The following GRM5 variants were observed in gnomAD, a reference collection of about 807,000 sequenced individuals.
GRM5 encodes glutamate metabotropic receptor 5, also known as metabotropic glutamate receptor 5.
In GRM5, 19 loss-of-function variants were observed where a neutral mutation model predicts 83.1. That is an observed-to-expected ratio of 0.23 (90% CI 0.16 to 0.34). The LOEUF (loss-of-function observed/expected upper bound fraction) is 0.34, where lower values mean the gene tolerates loss of function less well. GRM5 is among the 10% of genes least tolerant of loss of function. The pLI, the probability that GRM5 is intolerant of heterozygous loss-of-function variation, is 1.00. For synonymous variants in GRM5, 675 were observed against 633.6 expected (o/e 1.07, Z -0.98); for missense variants, 1,160 against 1,588.3 (o/e 0.73, Z 4.58).
At position 88,567,982 on chromosome 11, in the gene GRM5, C is replaced by G. The variant is rs1173367493; in HGVS notation, c.1701G>C (p.Leu567Phe). The change falls in exon 8 of 10, where the codon TTG becomes TTC. Residue 567 changes from leucine (L) to phenylalanine (F), a missense_variant. Physicochemically the swap from Leu to Phe is conservative, Grantham distance 22 (BLOSUM62 0). Around this residue, in one of 9 missense-constraint regions of GRM5, gnomAD observed 132 missense variants for 245.5 expected, o/e 0.54. Transcript: ENST00000305447. The surrounding 1 kb of genome is among the most constrained non-coding windows in gnomAD (Gnocchi z 7.3). ...CCCATCGAAGATACTGTACTGGGAT[C>G]AAGTCACAACCTGCAGAGACACAAA... ...WPTDDLTGCD[L>F]IPVQYLRWGD... The G allele has an allele frequency of 6.2e-7, 1 of 1,608,270 alleles. No individual in the cohort carries two copies. The highest frequency in any genetic ancestry group is 1.7e-5 in the Admixed American group (1 of 59,708).
At chr11:88,686,254 A>T (rs748736356) in intron 3 of GRM5, among the ~76,000 whole-genome samples, 1 of 152,118 alleles carries the variant, frequency 6.6e-6, no homozygotes, top group Non-Finnish European at 1.5e-5. Context: ...GCCCTGCTGG[A>T]TTTTGGAGTT....
At chr11:88,964,697 A>AG (rs1361870271) in intron 2 of GRM5, among the ~76,000 whole-genome samples, 1 of 152,244 alleles carries the variant, frequency 6.6e-6, no homozygotes, top group Non-Finnish European at 1.5e-5. Flanking sequence ...ATCATATTCA[A>AG]GCTACTGAGA....
At chr11:88,717,639 A>G (rs1397200345) in intron 3 of GRM5, among the ~76,000 whole-genome samples, 1 of 151,878 alleles carries the variant, frequency 6.6e-6, no homozygotes, top group African/African-American at 2.4e-5. Flanking sequence ...ATATCGTTCT[A>G]CAACTATGTA....
intron 2 of GRM5, among the ~76,000 whole-genome samples, chr11:88,863,890 C>T (rs1486382032): frequency 6.6e-6 from 1 of 151,592 alleles, no homozygotes; most frequent in Non-Finnish European, 1.5e-5. Context: ...AGTCAATGAT[C>T]TCTGTCATAT....
Position 88,731,146 on chromosome 11 carries a change from G to A in GRM5, c.912-77743C>T, listed in dbSNP as rs955563145. Among the ~76,000 whole-genome samples the A allele has an allele frequency of 2.0e-5, 3 of 152,144 alleles. No homozygotes were observed. In the East Asian group the frequency reaches 5.8e-4, roughly 29 times the overall value. ...GCCATTTTTTTAATGGCTCCAGAAA[G>A]CTGAGAAAGTCCTTTATGATACACA... On this transcript the variant is annotated intron_variant, in intron 3 of 9. Coordinates refer to ENST00000305447, the MANE Select transcript of GRM5 (RefSeq NM_001143831.3).
chr11:88,970,474 C>A (rs1361774181), intron 2 of GRM5, among the ~76,000 whole-genome samples: 1 of 152,196 alleles, frequency 6.6e-6, no homozygotes, highest in Admixed American at 6.5e-5. Context: ...AAAACATCAT[C>A]ATTTGGCCTC....
chr11:88,956,178 G>A lies in GRM5; in HGVS notation c.661+91034C>T, dbSNP rs71469228. ...ATCCCCTCAGCTTGAAAATTTTGTC[G>A]GAATAAATAATCACCTAACACTCTG... is the stretch of plus-strand genomic sequence containing the variant. On this transcript the variant is annotated intron_variant, in intron 2 of 9. Transcript: ENST00000305447. 3.9e-5 allele frequency among the ~76,000 whole-genome samples: 6 copies of A among 152,108 alleles called. 1 individual carries two copies. The South Asian group carries it at 8.3e-4, about 21-fold the overall frequency.
intron 3 of GRM5, among the ~76,000 whole-genome samples, chr11:88,765,793 T>C (rs953552418): frequency 6.6e-6 from 1 of 151,836 alleles, no homozygotes; most frequent in Non-Finnish European, 1.5e-5. Context: ...GAATGATTTG[T>C]TGGATATAAC....
rs1018625571 is a variant in GRM5 at position 88,642,900 on chromosome 11, A to G, written c.1147+10268T>C. Among the ~76,000 whole-genome samples, 10 of 152,068 alleles carry G rather than the reference A, an allele frequency of 6.6e-5. 1 individual carries two copies. The highest frequency in any genetic ancestry group is 2.4e-4 in the African/African-American group (10 of 41,412). On this transcript the variant is annotated intron_variant, in intron 4 of 9. Coordinates refer to ENST00000305447, the MANE Select transcript of GRM5 (RefSeq NM_001143831.3). ...TTAACTAGTCTCTAAGAAGTTCTAA[A>G]CTTTCCCTTATCTTCCTGTCTTTTC... is the stretch of plus-strand genomic sequence containing the variant.
chr11:88,965,639 A>C (rs755741751), intron 2 of GRM5, among the ~76,000 whole-genome samples: 5 of 145,126 alleles, frequency 3.4e-5, no homozygotes, highest in Non-Finnish European at 7.4e-5. Context: ...GGTAGAATTC[A>C]GAACCAGGTA....
intron 2 of GRM5, among the ~76,000 whole-genome samples, chr11:88,865,565 C>G (rs1944648330): frequency 6.6e-6 from 1 of 151,524 alleles, no homozygotes; most frequent in South Asian, 2.1e-4. Context: ...CAAATGGGAT[C>G]TAATCAAACT....
intron 3 of GRM5, among the ~76,000 whole-genome samples, chr11:88,681,565 CTTTTTTTTTT>C (rs796854617): frequency 7.9e-5 from 2 of 25,414 alleles, no homozygotes; most frequent in East Asian, 1.8e-3. Context: ...TGAGTTCTTC[CTTTTTTTTTT>C]TTTTTTTTTT....
At chr11:88,987,485 G>A (rs1280897944) in intron 2 of GRM5, among the ~76,000 whole-genome samples, 2 of 151,954 alleles carry the variant, frequency 1.3e-5, no homozygotes, top group African/African-American at 4.8e-5. Flanking sequence ...CAGCCAGGAA[G>A]CTCGAACTGG....
intron 4 of GRM5, among the ~76,000 whole-genome samples, chr11:88,649,066 TTATAA>T (rs1023645372): frequency 4.8e-5 from 7 of 144,984 alleles, no homozygotes; most frequent in East Asian, 3.9e-4. Context: ...AATATATATA[TTATAA>T]TATATAATAC....
chr11:88,576,391 G>A (rs1943110340), intron 7 of GRM5, among the ~76,000 whole-genome samples: 1 of 152,154 alleles, frequency 6.6e-6, no homozygotes, highest in Admixed American at 6.6e-5. Flanking sequence ...AATTTGAGAG[G>A]AGGAGACTGT....
intron 4 of GRM5, among the ~76,000 whole-genome samples, chr11:88,609,907 G>T (rs1445047401): frequency 1.3e-5 from 2 of 152,140 alleles, no homozygotes; most frequent in African/African-American, 4.8e-5. Context: ...GTTAATTTTT[G>T]CATATAGTGA....
intron 3 of GRM5, among the ~76,000 whole-genome samples, chr11:88,766,952 T>C (rs968802035): frequency 1.3e-5 from 2 of 151,982 alleles, no homozygotes; most frequent in East Asian, 1.9e-4. Context: ...GAGAATATCC[T>C]CAACATCACT....
intron 3 of GRM5, among the ~76,000 whole-genome samples, chr11:88,676,262 G>A (rs1039785762): frequency 1.3e-5 from 2 of 151,950 alleles, no homozygotes; most frequent in Non-Finnish European, 2.9e-5. Context: ...GAAACTGAGT[G>A]AGTTGTAAAG....
At chr11:88,787,703 T>C (rs1943099480) in intron 3 of GRM5, among the ~76,000 whole-genome samples, 1 of 151,970 alleles carries the variant, frequency 6.6e-6, no homozygotes, top group South Asian at 2.1e-4. Context: ...GGATAGATCA[T>C]TAGGTGTTGG....
Sources: allele counts gnomAD v4.1 joint callset (sites outside exome capture counted in the v4.1 genomes callset), GRCh38; gene constraint gnomAD v4.1.1; regional missense constraint gnomAD v4.1.1; non-coding constraint Gnocchi (gnomAD v3.1); transcripts MANE v1.5; gene names NCBI Gene and HGNC (gene_info 2026-07-23, HGNC 2026-07-21).